ATP6V1B2: variants seen among roughly 807,000 people sequenced by gnomAD.
The protein encoded by ATP6V1B2 is ATPase H+ transporting V1 subunit B2, also known as V-type proton ATPase subunit B, brain isoform.
ATP6V1B2 carries 23 observed loss-of-function variants against 66.7 expected under a neutral mutation model. That is an observed-to-expected ratio of 0.34 (90% CI 0.25 to 0.49). The LOEUF is 0.49. Among genes scored for constraint, ATP6V1B2 ranks in the 20% least tolerant of loss-of-function variants. The pLI, the probability that ATP6V1B2 is intolerant of heterozygous loss-of-function variation, is 0.99. For synonymous variants in ATP6V1B2, 278 were observed against 236.7 expected (o/e 1.17, Z -1.60); for missense variants, 478 against 650.8 (o/e 0.73, Z 2.89).
At position 20,197,440 on chromosome 8, in the gene ATP6V1B2, G is replaced by C. The variant is rs774605104; in HGVS notation, c.34G>C (p.Gly12Arg). ...GCGGGCGATGCGGGGGATTGTCAAC[G>C]GGGCCGCACCCGAGCTACCCGTGCC... ...ALRAMRGIVN[G>R]AAPELPVPTG... is the part of the protein sequence containing the mutation. Residue 12 changes from glycine to arginine, a missense_variant, in exon 1 of 14, where the codon GGG becomes CGG. Physicochemically the swap from Gly to Arg is moderately radical, Grantham distance 125. Transcript: ENST00000276390. 4 of 1,545,406 alleles carry C rather than the reference G, an allele frequency of 2.6e-6. No individual in the cohort carries two copies. Among genetic ancestry groups the C allele is most frequent in the Non-Finnish European group, 3.5e-6 (4 of 1,146,750 alleles).
rs937198769 is a variant in ATP6V1B2 at position 20,221,524 on chromosome 8, G to C, written c.*1122G>C. On this transcript the variant is annotated 3_prime_UTR_variant, in exon 14 of 14. Coordinates refer to ENST00000276390, the MANE Select transcript of ATP6V1B2 (RefSeq NM_001693.4). ...TCTCTCTGTGTTCTTTGTTACTTGG[G>C]TGCAATAGCAACTTCCCTACCCCGT... 1 of 152,526 alleles carries C rather than the reference G, an allele frequency of 6.6e-6. No individual in the cohort carries two copies. The highest frequency in any genetic ancestry group is 2.4e-5 in the African/African-American group (1 of 41,402). The allele number at this position is 152,526 out of a possible 1,614,324, so 9.4% of individuals were successfully genotyped here.
At chr8:20,210,521 A>G (rs1278587495) in intron 4 of ATP6V1B2, 48 bp from the exon 5 acceptor site, 5 of 1,609,118 alleles carry the variant, frequency 3.1e-6, no homozygotes, top group Admixed American at 1.7e-5. Context: ...AATTATGAAC[A>G]TTTGAAAGTC....
chr8:20,215,580 G>A (rs771189822), intron 10 of ATP6V1B2: 2 of 152,182 alleles, frequency 1.3e-5, no homozygotes, highest in African/African-American at 4.8e-5. Context: ...TGTTCTGAGT[G>A]CTTTATAAAT....
intron 1 of ATP6V1B2, among the ~76,000 whole-genome samples, chr8:20,199,432 G>A (rs75884118): frequency 6.6e-6 from 1 of 152,082 alleles, no homozygotes; most frequent in East Asian, 1.9e-4. Context: ...ATGCCCGGTC[G>A]AGTTGAGTTT....
intron 13 of ATP6V1B2, among the ~76,000 whole-genome samples, chr8:20,219,459 C>T (rs2072886498): frequency 6.6e-6 from 1 of 152,152 alleles, no homozygotes; most frequent in Admixed American, 6.6e-5. Context: ...TTTGCTTGGT[C>T]TCTCCCATCA....
intron 1 of ATP6V1B2, among the ~76,000 whole-genome samples, chr8:20,202,495 G>A (rs2072697597): frequency 2.0e-5 from 3 of 152,126 alleles, no homozygotes; most frequent in Non-Finnish European, 4.4e-5. Context: ...TTTTTAAAAG[G>A]CTGGATACGT....
intron 6 of ATP6V1B2, 43 bp downstream of exon 6, chr8:20,211,359 A>G (rs764106108): frequency 2.0e-5 from 32 of 1,590,002 alleles, no homozygotes; most frequent in Non-Finnish European, 2.5e-5. Flanking sequence ...AGCAGACAAG[A>G]ATTTCTATAA....
At chr8:20,199,137 T>C (rs777349127) in intron 1 of ATP6V1B2, among the ~76,000 whole-genome samples, 16 of 152,260 alleles carry the variant, frequency 1.1e-4, no homozygotes, top group Non-Finnish European at 2.1e-4. Flanking sequence ...ATGATTAAGA[T>C]TGTAAACCTT....
chr8:20,213,082 G>T lies in ATP6V1B2; in HGVS notation c.927+177G>T. ...TCGTTTTTGTCAACTTGGTAGAAGT[G>T]ATTAGAGGTTAAGATTTAAATGGTT... On this transcript the variant is annotated intron_variant, in intron 9 of 13. Coordinates refer to ENST00000276390, the MANE Select transcript of ATP6V1B2 (RefSeq NM_001693.4). 1.6e-5 allele frequency: 12 copies of T among 748,038 alleles called. No individual in the cohort carries two copies. The South Asian group carries it at 2.1e-4, about 13-fold the overall frequency. The allele number at this position is 748,038 out of a possible 1,614,324, so 46.3% of individuals were successfully genotyped here.
chr8:20,198,557 A>G (rs1290556659), intron 1 of ATP6V1B2, among the ~76,000 whole-genome samples: 8 of 152,202 alleles, frequency 5.3e-5, no homozygotes, highest in Non-Finnish European at 8.8e-5. Context: ...AGCCCTCGAA[A>G]TAGACTTTTT....
At chr8:20,197,647 C>A in intron 1 of ATP6V1B2, 105 bp downstream of exon 1, 1 of 1,256,160 alleles carries the variant, frequency 8.0e-7, no homozygotes, top group Non-Finnish European at 1.0e-6. Flanking sequence ...TTTGTTTTTC[C>A]CTCCCGCGTC....
intron 1 of ATP6V1B2, among the ~76,000 whole-genome samples, chr8:20,201,349 A>T (rs1455365785): frequency 6.6e-6 from 1 of 152,222 alleles, no homozygotes; most frequent in Non-Finnish European, 1.5e-5. Context: ...TGTCTTTGAC[A>T]GCCATAGTTT....
At chr8:20,209,698 C>T (rs1230477119) in intron 3 of ATP6V1B2, among the ~76,000 whole-genome samples, 167 bp downstream of exon 3, 1 of 152,068 alleles carries the variant, frequency 6.6e-6, no homozygotes. Flanking sequence ...TGCTCAGTGT[C>T]ACTTAGTCCG....
At position 20,217,333 on chromosome 8, in the gene ATP6V1B2, A is replaced by C. The variant is rs1030495603; in HGVS notation, c.1266+9A>C. 4 of 1,594,030 alleles carry C rather than the reference A, an allele frequency of 2.5e-6. No homozygotes were observed. Among genetic ancestry groups the C allele is most frequent in the Non-Finnish European group, 3.4e-6 (4 of 1,161,914 alleles). On this transcript the variant is annotated intron_variant, in intron 12 of 13. Transcript: ENST00000276390. ...ATGTATCTAACCAGCTAGTATGTAC[A>C]TTCTTCTAAGAATGGTGTTTGAAAA...
chr8:20,212,010 A>G lies in ATP6V1B2; in HGVS notation c.706-92A>G. ...TTGGGGTACTTGAGGTTTTAAAAGA[A>G]GGAACAATTCAAATCTGTAGCTTGG... On this transcript the variant is annotated intron_variant, in intron 7 of 13. Transcript: ENST00000276390. The G allele has an allele frequency of 4.8e-6, 6 of 1,247,778 alleles. No homozygotes were observed. In the South Asian group the frequency reaches 5.5e-5, roughly 11 times the overall value. The allele number at this position is 1,247,778 out of a possible 1,614,324, so 77.3% of individuals were successfully genotyped here.
intron 1 of ATP6V1B2, among the ~76,000 whole-genome samples, chr8:20,202,779 A>T (rs1025168127): frequency 1.3e-5 from 2 of 152,220 alleles, no homozygotes; most frequent in African/African-American, 4.8e-5. Flanking sequence ...TATTTTACTG[A>T]TGTTGCATTT....
chr8:20,216,469 G>T lies in ATP6V1B2; in HGVS notation c.1135G>T (p.Val379Leu). 6.2e-7 allele frequency: 1 copy of T among 1,613,422 alleles called. No homozygotes were observed. Among genetic ancestry groups the T allele is most frequent in the Non-Finnish European group, 8.5e-7 (1 of 1,179,536 alleles). ...TGYITEGQIY[V>L]DRQLHNRQIY... Reference sequence around the variant, plus strand: ...CTACATTACAGAGGGGCAGATCTATGTGGACAGACAGCTGCACAACAGACA... The same window carrying T: ...CTACATTACAGAGGGGCAGATCTATTTGGACAGACAGCTGCACAACAGACA... Residue 379 changes from valine (V) to leucine (L), a missense_variant, in exon 11 of 14, where the codon GTG (valine) becomes TTG (leucine). Coordinates refer to ENST00000276390, the MANE Select transcript of ATP6V1B2 (RefSeq NM_001693.4).
intron 12 of ATP6V1B2, 24 bp from the exon 13 acceptor site, chr8:20,218,129 G>A (rs1431298454): frequency 5.0e-6 from 8 of 1,609,858 alleles, no homozygotes; most frequent in Non-Finnish European, 1.7e-6. Flanking sequence ...TCTCTCTGCT[G>A]ATGGGTGCCT....
At position 20,220,467 on chromosome 8, in the gene ATP6V1B2, C is replaced by G; in HGVS notation, c.*65C>G. 1 of 1,477,220 alleles carries G rather than the reference C, an allele frequency of 6.8e-7. No individual in the cohort carries two copies. 91.5% of individuals were successfully genotyped at this position (1,477,220 alleles called of 1,614,324 possible). On this transcript the variant is annotated 3_prime_UTR_variant, in exon 14 of 14. Coordinates refer to ENST00000276390, the MANE Select transcript of ATP6V1B2 (RefSeq NM_001693.4). Reference sequence around the variant, plus strand: ...GGTTCTGTTTTCTTTATTCCTTTTGCACTCTCGGTTCCCACCTTTGTGTTG... The same window carrying G: ...GGTTCTGTTTTCTTTATTCCTTTTGGACTCTCGGTTCCCACCTTTGTGTTG...
Sources: gnomAD v4.1 joint callset for allele counts (sites outside exome capture counted in the v4.1 genomes callset) on GRCh38, gnomAD v4.1.1 for gene constraint, MANE v1.5 for transcripts, NCBI Gene and HGNC (gene_info 2026-07-23, HGNC 2026-07-21) for gene names.